ATAD2: variants seen among roughly 807,000 people sequenced by gnomAD.
ATAD2 encodes the protein ATPase family AAA domain containing 2.
ATAD2 carries 62 observed loss-of-function variants against 168.9 expected under a neutral mutation model. The ratio of observed to expected loss-of-function variants is 0.37; its 90% CI spans 0.30 to 0.45. The LOEUF is 0.45. Among genes scored for constraint, ATAD2 ranks in the 20% least tolerant of loss-of-function variants. The pLI is 1.00. For synonymous variants in ATAD2, 613 were observed against 571.6 expected, an observed-to-expected ratio of 1.07 and a Z score of -1.03; for missense variants, 1,419 against 1,667.8, an observed-to-expected ratio of 0.85 and a Z score of 2.60.
At chr8:123,388,968 CTCTCT>C (rs1309274272) in intron 1 of ATAD2, among the ~76,000 whole-genome samples, 1 of 150,028 alleles carries the variant, frequency 6.7e-6, no homozygotes, top group East Asian at 2.0e-4. Flanking sequence ...GTTTTCTTCT[CTCTCT>C]TTTTTTTTTT....
intron 8 of ATAD2, among the ~76,000 whole-genome samples, chr8:123,368,255 T>C (rs528180304): frequency 1.1e-4 from 16 of 152,150 alleles, no homozygotes; most frequent in Admixed American, 3.3e-4. Flanking sequence ...CCGTCTCTAC[T>C]AAAAATACAA....
At chr8:123,388,795 A>G (rs1229080000) in intron 1 of ATAD2, among the ~76,000 whole-genome samples, 6 of 152,126 alleles carry the variant, frequency 3.9e-5, no homozygotes, top group Non-Finnish European at 8.8e-5. Context: ...TTGGCCTCCC[A>G]AAGTGCTGGG....
intron 1 of ATAD2, among the ~76,000 whole-genome samples, chr8:123,392,718 A>C (rs371166770): frequency 7.9e-5 from 12 of 152,142 alleles, no homozygotes; most frequent in East Asian, 3.8e-4. Context: ...GGTATTAAAG[A>C]AGCAGCTATG....
At position 123,328,386 on chromosome 8, in the gene ATAD2, T is replaced by C. The variant is rs984876418; in HGVS notation, c.3672A>G (p.Glu1224=). ...AGGCATTTTGCTGTTTTTCATTTTC[T>C]TCCACCGAAGACTCTCCTGTGTTTC... ...ETGNTGESSV[E]ENEKQQNASE... Residue 1224 remains glutamate (E), a synonymous_variant, in exon 25 of 28, where the codon GAA becomes GAG. Coordinates refer to ENST00000287394, the MANE Select transcript of ATAD2 (RefSeq NM_014109.4). The C allele has an allele frequency of 1.2e-6, 2 of 1,603,996 alleles. No individual in the cohort carries two copies. The highest frequency in any genetic ancestry group is 2.7e-5 in the African/African-American group (2 of 74,400).
intron 24 of ATAD2, among the ~76,000 whole-genome samples, chr8:123,329,737 A>G (rs1023152757): frequency 1.9e-5 from 2 of 102,760 alleles, no homozygotes; most frequent in African/African-American, 7.8e-5. Context: ...GCGTGACGCA[A>G]CTCCGTCTCA....
chr8:123,400,266 T>G (rs1159723956), upstream of ATAD2, among the ~76,000 whole-genome samples: 1 of 152,198 alleles, frequency 6.6e-6, no homozygotes, highest in African/African-American at 2.4e-5. This position sits in a 1 kb window ranked among gnomAD's most constrained non-coding sequence, Gnocchi z 4.5. Context: ...TTGGCAGGGT[T>G]TTCCAGAGAA....
In ATAD2 at chr8:123,392,200, C is replaced by CA. The variant is rs139408856; in HGVS notation, c.171+3986dup. Among the ~76,000 whole-genome samples the CA allele has an allele frequency of 0.018, 2,670 of 149,714 alleles. 141 individuals carry two copies. The East Asian group carries it at 0.21, about 12-fold the overall frequency. ...GTTCTAAGTGCTGGGATAACATTGC[C>CA]AAAAAAAAAGTCAAAATCCAAGTCC... On this transcript the variant is annotated intron_variant, in intron 1 of 27. Coordinates refer to ENST00000287394, the MANE Select transcript of ATAD2 (RefSeq NM_014109.4).
chr8:123,377,042 G>A (rs911064310), intron 2 of ATAD2, among the ~76,000 whole-genome samples: 6 of 131,542 alleles, frequency 4.6e-5, no homozygotes, highest in Admixed American at 2.7e-4. Flanking sequence ...AGTGAGCCAC[G>A]ATTGCGCCAC....
At chr8:123,351,430 T>C (rs779221176) in intron 13 of ATAD2, among the ~76,000 whole-genome samples, 5 of 152,130 alleles carry the variant, frequency 3.3e-5, no homozygotes, top group Non-Finnish European at 2.9e-5. Flanking sequence ...TAACTGTCTC[T>C]AGATATCTGT....
chr8:123,347,373 G>C lies in ATAD2; in HGVS notation c.1931C>G (p.Ala644Gly), dbSNP rs370223992. 72 of 1,613,148 alleles carry C rather than the reference G, an allele frequency of 4.5e-5. No homozygotes were observed. Among genetic ancestry groups the C allele is most frequent in the Non-Finnish European group, 5.8e-5 (69 of 1,179,816 alleles). The stretch of plus-strand genomic sequence containing the variant: ...TCGTAAAGCACATAAAGCAGCTTCA[G>C]CACATATTGATTTAATATCTGCTCC... ...YCGADIKSIC[A>G]EAALCALRRR... is the part of the protein sequence containing the mutation. The change falls in exon 16 of 28, where the codon GCT (alanine) becomes GGT (glycine). Residue 644 changes from alanine to glycine, a missense_variant. Around this residue, in one of 5 missense-constraint regions of ATAD2, gnomAD observed 545 missense variants for 724.9 expected, o/e 0.75. Coordinates refer to ENST00000287394, the MANE Select transcript of ATAD2 (RefSeq NM_014109.4).
chr8:123,351,629 G>A (rs889833966), intron 13 of ATAD2, among the ~76,000 whole-genome samples: 1 of 152,092 alleles, frequency 6.6e-6, no homozygotes, highest in African/African-American at 2.4e-5. Flanking sequence ...ATCATGGCCT[G>A]TATAGGACAG....
intron 3 of ATAD2, 67 bp from the exon 4 acceptor site, chr8:123,371,902 A>C: frequency 1.5e-6 from 2 of 1,321,756 alleles, no homozygotes; most frequent in Non-Finnish European, 2.0e-6. Flanking sequence ...AAACAATTCT[A>C]AAATGAACAA....
intron 1 of ATAD2, among the ~76,000 whole-genome samples, chr8:123,385,186 G>A (rs1293915131): frequency 6.6e-6 from 1 of 152,018 alleles, no homozygotes; most frequent in African/African-American, 2.4e-5. Context: ...TGTTATTGAT[G>A]AGCATGCTAA....
At chr8:123,397,689 G>C (rs1470272244), upstream of ATAD2, among the ~76,000 whole-genome samples, 1 of 152,174 alleles carries the variant, frequency 6.6e-6, no homozygotes, top group Non-Finnish European at 1.5e-5. Flanking sequence ...ATGCAGCAGT[G>C]AATAAAAAGA....
chr8:123,334,236 G>A lies in ATAD2; in HGVS notation c.3298C>T (p.Leu1100Phe), dbSNP rs1827855345. Residue 1100 changes from leucine (L) to phenylalanine (F), a missense_variant, in exon 23 of 28, where the codon CTC becomes TTC. Around this residue, in one of 5 missense-constraint regions of ATAD2, gnomAD observed 545 missense variants for 724.9 expected, o/e 0.75. Coordinates refer to ENST00000287394, the MANE Select transcript of ATAD2 (RefSeq NM_014109.4). ...KEELDEDFEQ[L>F]CEEIQESRKK... ...CTAGATTCCTGAATTTCTTCACAGAGCTGCTCAAAGTCTTCATCAAGTTCT... is the reference window on the plus strand; with the variant it reads ...CTAGATTCCTGAATTTCTTCACAGAACTGCTCAAAGTCTTCATCAAGTTCT... 4 of 1,602,356 alleles carry A rather than the reference G, an allele frequency of 2.5e-6. No homozygotes were observed. Among genetic ancestry groups the A allele is most frequent in the Non-Finnish European group, 3.4e-6 (4 of 1,176,994 alleles).
chr8:123,384,447 G>C (rs1356023602), intron 1 of ATAD2, among the ~76,000 whole-genome samples: 1 of 152,124 alleles, frequency 6.6e-6, no homozygotes, highest in Non-Finnish European at 1.5e-5. Context: ...GATTTTTCAT[G>C]GTCATTGATC....
intron 18 of ATAD2, 135 bp from the exon 19 acceptor site, chr8:123,345,204 A>C: frequency 1.5e-6 from 1 of 665,326 alleles, no homozygotes; most frequent in Non-Finnish European, 2.2e-6. Flanking sequence ...CTTCTCCAAA[A>C]TCCCACAACC....
chr8:123,378,727 C>CAAAAAAAAAAAAAAAAAAAAAAAAAAAAA (rs1554646643), intron 2 of ATAD2, among the ~76,000 whole-genome samples: 10 of 91,046 alleles, frequency 1.1e-4, no homozygotes, highest in African/African-American at 4.0e-4. Context: ...AAAAAAAAAT[C>CAAAAAAAAAAAAAAAAAAAAAAAAAAAAA]AAAATTCCAT....
chr8:123,381,501 A>C (rs1829493079), intron 1 of ATAD2, among the ~76,000 whole-genome samples: 1 of 151,428 alleles, frequency 6.6e-6, no homozygotes, highest in East Asian at 1.9e-4. Context: ...ACCCTGCCAC[A>C]AAACAAAACA....
Sources: gnomAD v4.1 joint callset for allele counts (sites outside exome capture counted in the v4.1 genomes callset) on GRCh38, gnomAD v4.1.1 for gene constraint, gnomAD v4.1.1 regional missense constraint, Gnocchi (gnomAD v3.1) non-coding constraint, MANE v1.5 for transcripts, NCBI Gene and HGNC (gene_info 2026-07-23, HGNC 2026-07-21) for gene names.